Variants in FAM149B1 observed in about 807,000 individuals in gnomAD.
FAM149B1 encodes the protein primary cilium assembly protein FAM149B1.
In FAM149B1, 56 loss-of-function variants were observed where a neutral mutation model predicts 75.3. The observed-to-expected ratio is 0.74, with a 90% confidence interval of 0.60 to 0.93. The LOEUF (loss-of-function observed/expected upper bound fraction) is 0.93. Among genes scored for constraint, FAM149B1 ranks in the 40% least tolerant of loss-of-function variants. The probability of loss-of-function intolerance (pLI) is 0.00; values close to 1 mark genes in which losing one functional copy is unlikely to be tolerated. For missense variants in FAM149B1, 639 were observed against 708.4 expected, an observed-to-expected ratio of 0.90 and a Z score of 1.11; for synonymous variants, 259 against 256.1, an observed-to-expected ratio of 1.01 and a Z score of -0.11.
intron 12 of FAM149B1, among the ~76,000 whole-genome samples, chr10:73,236,069 G>A (rs12569470): frequency 0.1 from 15,940 of 152,146 alleles, 1,212 homozygotes; most frequent in East Asian, 0.31. Context: ...CAGGATGGTA[G>A]TGTTTGCAGC....
At position 73,199,871 on chromosome 10, in the gene FAM149B1, C is replaced by A. The variant is rs543969513; in HGVS notation, c.542+6278C>A. ...TTATAACAGCAGAGAACATGGAGAC[C>A]CAGAGAGAATGGACCCTGATGGTGT... On this transcript the variant is annotated intron_variant, in intron 5 of 13. Transcript: ENST00000242505. 5 of 178,854 alleles carry A rather than the reference C, an allele frequency of 2.8e-5. No homozygotes were observed. In the South Asian group the frequency reaches 7.4e-4, roughly 26 times the overall value. The allele number at this position is 178,854 out of a possible 1,614,324, so 11.1% of individuals were successfully genotyped here.
intron 12 of FAM149B1, among the ~76,000 whole-genome samples, chr10:73,238,452 C>T (rs1389146444): frequency 6.6e-6 from 1 of 152,198 alleles, no homozygotes; most frequent in Non-Finnish European, 1.5e-5. Flanking sequence ...AACTACAGTT[C>T]CTGGGCTACT....
At position 73,244,061 on chromosome 10, in the gene FAM149B1, A is replaced by G. The variant is rs539528863; in HGVS notation, c.*3042A>G. On this transcript the variant is annotated 3_prime_UTR_variant, in exon 14 of 14. Coordinates refer to ENST00000242505, the MANE Select transcript of FAM149B1 (RefSeq NM_173348.2). ...GAATAGACAAAATGAATCGAATTAC[A>G]TAACTATGTCATTCATTAAATGGCA... 12 of 681,968 alleles carry G rather than the reference A, an allele frequency of 1.8e-5. No individual in the cohort carries two copies. The highest frequency in any genetic ancestry group is 7.8e-5 in the South Asian group (4 of 51,150). 42.2% of individuals were successfully genotyped at this position (681,968 alleles called of 1,614,324 possible).
chr10:73,234,838 C>T lies in FAM149B1; in HGVS notation c.1374C>T (p.Leu458=). ...GCAGCCCAGTGGCACCCGACTCGCT[C>T]TCCTCTCCCTCACCGACGCCCCTGA... ...GARVPVAPDS[L]SSPSPTPLSR... The change falls in exon 11 of 14, where the codon CTC becomes CTT. Residue 458 remains leucine (L), a synonymous_variant. Coordinates refer to ENST00000242505, the MANE Select transcript of FAM149B1 (RefSeq NM_173348.2). 1 of 1,551,688 alleles carries T rather than the reference C, an allele frequency of 6.4e-7. No individual in the cohort carries two copies. The highest frequency in any genetic ancestry group is 1.2e-5 in the South Asian group (1 of 84,060).
At chr10:73,221,940 G>A (rs1176279712) in intron 7 of FAM149B1, among the ~76,000 whole-genome samples, 1 of 151,984 alleles carries the variant, frequency 6.6e-6, no homozygotes, top group Non-Finnish European at 1.5e-5. Context: ...TATTTCATGT[G>A]AGATATTGTC....
chr10:73,206,552 G>A (rs2043061984), intron 5 of FAM149B1, among the ~76,000 whole-genome samples: 1 of 152,222 alleles, frequency 6.6e-6, no homozygotes, highest in African/African-American at 2.4e-5. Flanking sequence ...CTTCACAGCA[G>A]CCCCTCCCAT....
chr10:73,237,639 C>T (rs2043850559), intron 12 of FAM149B1, among the ~76,000 whole-genome samples: 1 of 152,192 alleles, frequency 6.6e-6, no homozygotes, highest in Non-Finnish European at 1.5e-5. Context: ...CCAGGCTGGT[C>T]TTGAACTTCT....
At chr10:73,196,309 A>G (rs1011242744) in intron 5 of FAM149B1, among the ~76,000 whole-genome samples, 3 of 151,084 alleles carry the variant, frequency 2.0e-5, no homozygotes, top group Non-Finnish European at 4.4e-5. Context: ...TGCTACTGCT[A>G]TTTTGCCCCC....
intron 1 of FAM149B1, among the ~76,000 whole-genome samples, chr10:73,170,575 T>C (rs561201544): frequency 6.6e-6 from 1 of 152,186 alleles, no homozygotes; most frequent in East Asian, 1.9e-4. Context: ...ACATCCTCAA[T>C]AAATGGTATT....
At chr10:73,207,427 A>G (rs1208667729) in intron 5 of FAM149B1, among the ~76,000 whole-genome samples, 5 of 152,062 alleles carry the variant, frequency 3.3e-5, no homozygotes, top group Admixed American at 2.6e-4. Context: ...AGCTGAGTGT[A>G]GTGGTGCTCG....
chr10:73,232,572 CAG>C (rs2043730894), intron 9 of FAM149B1, among the ~76,000 whole-genome samples: 1 of 152,214 alleles, frequency 6.6e-6, no homozygotes, highest in Non-Finnish European at 1.5e-5. Flanking sequence ...ATGCCTCAAA[CAG>C]AGTAGGAATC....
intron 4 of FAM149B1, among the ~76,000 whole-genome samples, chr10:73,193,091 AT>A (rs2133336474): frequency 6.6e-6 from 1 of 152,354 alleles, no homozygotes; most frequent in East Asian, 1.9e-4. Context: ...AGTACCACTT[AT>A]TGCACATACT....
At chr10:73,226,980 TA>T (rs556365961) in intron 7 of FAM149B1, among the ~76,000 whole-genome samples, 26 of 152,382 alleles carry the variant, frequency 1.7e-4, no homozygotes, top group African/African-American at 6.0e-4. Flanking sequence ...TCAAAGTATA[TA>T]AAACTCTGGT....
chr10:73,224,559 C>T (rs1369152009), intron 7 of FAM149B1, among the ~76,000 whole-genome samples: 1 of 150,006 alleles, frequency 6.7e-6, no homozygotes, highest in Non-Finnish European at 1.5e-5. Context: ...GCAAGCTCCG[C>T]CTCCTGGGTT....
At chr10:73,224,211 T>G (rs1256840309) in intron 7 of FAM149B1, among the ~76,000 whole-genome samples, 1 of 152,130 alleles carries the variant, frequency 6.6e-6, no homozygotes, top group Non-Finnish European at 1.5e-5. Context: ...TTGACAACCA[T>G]CCAGTCTCTG....
chr10:73,228,284 ATGTTTT>A, intron 8 of FAM149B1, 100 bp downstream of exon 8: 1 of 942,594 alleles, frequency 1.1e-6, no homozygotes, highest in Non-Finnish European at 1.6e-6. Flanking sequence ...CTGACTCAAT[ATGTTTT>A]AGTACAGTTA....
intron 7 of FAM149B1, among the ~76,000 whole-genome samples, chr10:73,226,801 T>C (rs2043561769): frequency 6.7e-6 from 1 of 149,328 alleles, no homozygotes; most frequent in East Asian, 2.2e-4. Flanking sequence ...GTTTTGGCTT[T>C]GTCATGGACC....
At chr10:73,208,272 C>T (rs545125670) in intron 5 of FAM149B1, among the ~76,000 whole-genome samples, 18 of 152,384 alleles carry the variant, frequency 1.2e-4, no homozygotes, top group African/African-American at 3.8e-4. Flanking sequence ...TATGCTTCTA[C>T]AGCCTCCAGA....
At chr10:73,237,456 G>A (rs1193380053) in intron 12 of FAM149B1, among the ~76,000 whole-genome samples, 1 of 150,896 alleles carries the variant, frequency 6.6e-6, no homozygotes, top group Admixed American at 6.6e-5. Flanking sequence ...TTACTCTGTC[G>A]CCCAGGCTAG....
Sources: allele counts gnomAD v4.1 joint callset (sites outside exome capture counted in the v4.1 genomes callset), GRCh38; gene constraint gnomAD v4.1.1; transcripts MANE v1.5; gene names NCBI Gene and HGNC (gene_info 2026-07-23, HGNC 2026-07-21).